The following WDR87 variants were observed in gnomAD, a reference collection of about 807,000 sequenced individuals.
WDR87 encodes the protein WD repeat-containing protein 87.
Under a neutral mutation model 83.3 loss-of-function variants are expected in WDR87, and 56 were observed. That is an observed-to-expected ratio of 0.67 (90% CI 0.54 to 0.84). The LOEUF is 0.84. WDR87 is among the 40% of genes least tolerant of loss of function. The probability of loss-of-function intolerance (pLI) is 0.00; values close to 1 mark genes in which losing one functional copy is unlikely to be tolerated. For missense variants in WDR87, 2,939 were observed against 3,431.9 expected (o/e 0.86, Z 3.59); for synonymous variants, 1,173 against 1,250.6 (o/e 0.94, Z 1.31).
Position 37,893,276 on chromosome 19 carries a change from G to A in WDR87, c.2427C>T (p.Tyr809=), listed in dbSNP as rs774491604. The change falls in exon 4 of 6, where the codon TAC becomes TAT. Residue 809 remains tyrosine (Y), a synonymous_variant. Coordinates refer to ENST00000447313, the MANE Select transcript of WDR87 (RefSeq NM_001291088.2). ...GLNPYQILRY[Y]FGHGREWLFA... ...AAAGCCATTCCCGCCCATGACCAAA[G>A]TAGTATCGCAATATCTGATAGGGGT... 1.9e-6 allele frequency: 3 copies of A among 1,551,802 alleles called. No individual in the cohort carries two copies. Among genetic ancestry groups the A allele is most frequent in the South Asian group, 2.4e-5 (2 of 84,062 alleles).
At position 37,886,758 on chromosome 19, in the gene WDR87, C is replaced by T. The variant is rs1237642654; in HGVS notation, c.6913G>A (p.Glu2305Lys). The T allele has an allele frequency of 5.2e-6, 7 of 1,337,524 alleles. No homozygotes were observed. The highest frequency in any genetic ancestry group is 7.1e-6 in the Non-Finnish European group (7 of 981,836). 82.9% of individuals were successfully genotyped at this position (1,337,524 alleles called of 1,614,324 possible). A position where few individuals can be genotyped will look rare whatever the true frequency, so the allele number is the denominator to read the frequency against. Residue 2305 changes from glutamate (E) to lysine (K), a missense_variant, in exon 6 of 6, where the codon GAG (glutamate) becomes AAG (lysine). Around this residue, in one of 3 missense-constraint regions of WDR87, gnomAD observed 2,160 missense variants for 2,533.1 expected, o/e 0.85. Coordinates refer to ENST00000447313, the MANE Select transcript of WDR87 (RefSeq NM_001291088.2). ...EREEEEEREE[E>K]EERKEEEEGE... ...TCCTCCTCCTCCTTCCTTTCCTCCT[C>T]CTCCTCCCTTTCCTCCTCCTCCTCC...
rs1490283457 is a variant in WDR87, at chr19:37,895,097, C to T, written c.606G>A (p.Val202=). Residue 202 remains valine, a synonymous_variant, in exon 4 of 6, where the codon GTG becomes GTA. Transcript: ENST00000447313. ...GGAGGGAGCCACTGGGACCATTCAG[C>T]ACGATGTCCTGGACAAGCTCATCAC... ...MPGDELVQDI[V]LNGPSGSLLA... The T allele has an allele frequency of 6.4e-7, 1 of 1,551,736 alleles. No individual in the cohort carries two copies. The highest frequency in any genetic ancestry group is 2.0e-5 in the Admixed American group (1 of 50,996).
chr19:37,903,492 A>G (rs2046304905), intron 1 of WDR87, among the ~76,000 whole-genome samples: 1 of 152,170 alleles, frequency 6.6e-6, no homozygotes, highest in Non-Finnish European at 1.5e-5. Flanking sequence ...TCCAGGATTA[A>G]TTAGGTTGTA....
intron 1 of WDR87, among the ~76,000 whole-genome samples, chr19:37,901,196 G>A (rs1470798401): frequency 6.6e-6 from 1 of 151,136 alleles, no homozygotes; most frequent in Non-Finnish European, 1.5e-5. Flanking sequence ...ACTTTGGGAG[G>A]CTGAGGTGGG....
chr19:37,900,487 G>T (rs1481791895), intron 1 of WDR87, among the ~76,000 whole-genome samples: 1 of 143,248 alleles, frequency 7.0e-6, no homozygotes, highest in Non-Finnish European at 1.5e-5. Flanking sequence ...CTTCAACATG[G>T]GAGACAGAGG....
At chr19:37,904,246 T>C (rs1213275011) in intron 1 of WDR87, among the ~76,000 whole-genome samples, 3 of 152,022 alleles carry the variant, frequency 2.0e-5, no homozygotes, top group Admixed American at 6.6e-5. Flanking sequence ...ATTGAAAATG[T>C]ACTAAGGAGC....
intron 2 of WDR87, 64 bp from the exon 3 acceptor site, chr19:37,896,372 C>A: frequency 6.6e-7 from 1 of 1,510,178 alleles, no homozygotes; most frequent in Non-Finnish European, 8.9e-7. Flanking sequence ...TATTCTCGCA[C>A]AAGTCACAGT....
chr19:37,885,001 C>G lies in WDR87; in HGVS notation c.8670G>C (p.Trp2890Cys). 7.1e-7 allele frequency: 1 copy of G among 1,405,088 alleles called. No individual in the cohort carries two copies. Among genetic ancestry groups the G allele is most frequent in the Non-Finnish European group, 9.3e-7 (1 of 1,075,792 alleles). 87.0% of individuals were successfully genotyped at this position (1,405,088 alleles called of 1,614,324 possible). A position where few individuals can be genotyped will look rare whatever the true frequency, so the allele number is the denominator to read the frequency against. The change falls in exon 6 of 6, where the codon TGG becomes TGC. Residue 2890 changes from tryptophan (W) to cysteine (C), a missense_variant. By Grantham distance (215) the Trp-to-Cys change is radical. Transcript: ENST00000447313. ...IARYGILELA[W>C]KSLPEADLHL... is the part of the protein sequence containing the mutation. Reference sequence around the variant, plus strand: ...GAAGATCAGCTTCAGGCAGGCTCTTCCAGGCAAGTTCTAAGATCCCATACC... The same window carrying G: ...GAAGATCAGCTTCAGGCAGGCTCTTGCAGGCAAGTTCTAAGATCCCATACC...
intron 5 of WDR87, among the ~76,000 whole-genome samples, chr19:37,890,874 A>T (rs1257610207): frequency 6.6e-6 from 1 of 152,194 alleles, no homozygotes; most frequent in African/African-American, 2.4e-5. Context: ...ATGTTGTTGC[A>T]TGTATCACTC....
chr19:37,886,957 C>T lies in WDR87; in HGVS notation c.6714G>A (p.Lys2238=). The T allele has an allele frequency of 1.9e-6, 3 of 1,551,996 alleles. No homozygotes were observed. Among genetic ancestry groups the T allele is most frequent in the Non-Finnish European group, 2.6e-6 (3 of 1,147,056 alleles). Residue 2238 remains lysine, a synonymous_variant, in exon 6 of 6, where the codon AAG becomes AAA. Coordinates refer to ENST00000447313, the MANE Select transcript of WDR87 (RefSeq NM_001291088.2). ...TGTCACCTCTCTTGGCCTCTTTCCT[C>T]TTTCTCCACCTTCGTTTAAGGAATG... ...VIPFLKRRWR[K]RKEAKRGDKP...
Position 37,895,435 on chromosome 19 carries a change from TG to T in WDR87, c.267del (p.Ser89ArgfsTer14). ...CTTTTCTCAACCATGTCCTCAGTTT[TG>T]CTCTTCATCCATGCTACAGCCTAGA... ...KEIQAVAWMK[S>X]KTEDMVEKRT... is the part of the protein sequence containing the mutation. On this transcript the variant is annotated frameshift_variant, in exon 4 of 6. Transcript: ENST00000447313. LOFTEE classifies it high-confidence loss of function. 1 of 1,551,518 alleles carries T rather than the reference TG, an allele frequency of 6.4e-7. No individual in the cohort carries two copies. The highest frequency in any genetic ancestry group is 8.7e-7 in the Non-Finnish European group (1 of 1,146,972).
In WDR87 at chr19:37,886,735, CTCCTCCTCCTTCCTT is replaced by C; in HGVS notation, c.6921_6935del (p.Arg2308_Glu2312del). ...TCTCCACTTGCTTCTCCTCCCCTTCCTCCTCCTCCTTCCTTTCCTCCTCCTCCTCCCTTTCCTCCT... is the reference window on the plus strand; with the variant it reads ...TCTCCACTTGCTTCTCCTCCCCTTCCTCCTCCTCCTCCTCCCTTTCCTCCT... On this transcript the variant is annotated inframe_deletion, in exon 6 of 6. Coordinates refer to ENST00000447313, the MANE Select transcript of WDR87 (RefSeq NM_001291088.2). The C allele has an allele frequency of 7.0e-7, 1 of 1,434,268 alleles. No individual in the cohort carries two copies. The highest frequency in any genetic ancestry group is 9.4e-7 in the Non-Finnish European group (1 of 1,059,326). 88.8% of individuals were successfully genotyped at this position (1,434,268 alleles called of 1,614,324 possible).
rs1052520558 is a variant in WDR87 at position 37,887,137 on chromosome 19, C to T, written c.6534G>A (p.Leu2178=). The change falls in exon 6 of 6, where the codon CTG becomes CTA. Residue 2178 remains leucine (L), a synonymous_variant. Coordinates refer to ENST00000447313, the MANE Select transcript of WDR87 (RefSeq NM_001291088.2). ...RSELTKDEKK[L]ARKQRKLANK... The stretch of plus-strand genomic sequence containing the variant: ...TGGCCAGTTTTCTCTGCTTCCGAGC[C>T]AGTTTCTTCTCATCTTTAGTCAGTT... 1.3e-6 allele frequency: 2 copies of T among 1,550,528 alleles called. No homozygotes were observed. The highest frequency in any genetic ancestry group is 2.7e-5 in the African/African-American group (2 of 72,928).
intron 1 of WDR87, among the ~76,000 whole-genome samples, chr19:37,900,560 C>CAAAAAAA (rs58946958): frequency 3.8e-5 from 3 of 78,070 alleles, no homozygotes; most frequent in Admixed American, 1.6e-4. Context: ...GACTCCGTCT[C>CAAAAAAA]AAAAAAAAAA....
rs778062858 is a variant in WDR87 at position 37,889,811 on chromosome 19, C to T, written c.3860G>A (p.Arg1287His). Residue 1287 changes from arginine to histidine, a missense_variant, in exon 6 of 6, where the codon CGT (arginine) becomes CAT (histidine). Physicochemically the swap from Arg to His is conservative, Grantham distance 29 (BLOSUM62 0). Around this residue, in one of 3 missense-constraint regions of WDR87, gnomAD observed 2,160 missense variants for 2,533.1 expected, o/e 0.85. Coordinates refer to ENST00000447313, the MANE Select transcript of WDR87 (RefSeq NM_001291088.2). ...DGSSWRDDLC[R>H]LMALRISGSQ... ...ACCAGATATCCTCAGGGCCATAAGA[C>T]GACATAGATCGTCCCTCCATGATGA... 1.2e-5 allele frequency: 19 copies of T among 1,551,584 alleles called. No individual in the cohort carries two copies. The highest frequency in any genetic ancestry group is 2.4e-5 in the East Asian group (1 of 40,922).
In WDR87 at chr19:37,886,613, C is replaced by T. The variant is rs1291463265; in HGVS notation, c.7058G>A (p.Ser2353Asn). 6.5e-7 allele frequency: 1 copy of T among 1,535,340 alleles called. No individual in the cohort carries two copies. Among genetic ancestry groups the T allele is most frequent in the South Asian group, 1.2e-5 (1 of 80,136 alleles). Residue 2353 changes from serine (S) to asparagine (N), a missense_variant, in exon 6 of 6, where the codon AGT becomes AAT. By Grantham distance (46) the Ser-to-Asn change is conservative. Coordinates refer to ENST00000447313, the MANE Select transcript of WDR87 (RefSeq NM_001291088.2). ...ACTCAAACTTTCTGTCTCTTCCTCA[C>T]TCATAATTTCTTCTTTCTCCTCAAA... ...EVFEEKEEIM[S>N]EEETESLSDE...
intron 3 of WDR87, among the ~76,000 whole-genome samples, chr19:37,895,744 G>A (rs575887876): frequency 1.4e-5 from 2 of 142,900 alleles, no homozygotes; most frequent in South Asian, 2.4e-4. Flanking sequence ...TCCAGCCTGC[G>A]TGACAGAGCG....
In WDR87 at chr19:37,889,680, G is replaced by A. The variant is rs1389344157; in HGVS notation, c.3991C>T (p.Pro1331Ser). 14 of 1,551,574 alleles carry A rather than the reference G, an allele frequency of 9.0e-6. No homozygotes were observed. Among genetic ancestry groups the A allele is most frequent in the African/African-American group, 1.4e-5 (1 of 72,994 alleles). Residue 1331 changes from proline to serine, a missense_variant, in exon 6 of 6, where the codon CCC (proline) becomes TCC (serine). Pro to Ser is a moderately conservative substitution (Grantham distance 74). Around this residue, in one of 3 missense-constraint regions of WDR87, gnomAD observed 2,160 missense variants for 2,533.1 expected, o/e 0.85. Coordinates refer to ENST00000447313, the MANE Select transcript of WDR87 (RefSeq NM_001291088.2). Reference protein sequence around the residue: ...PSWELFQEICPLLKKESKVLL... With the variant: ...PSWELFQEICSLLKKESKVLL... ...ACCTTACTTTCTTTCTTCAATAGGG[G>A]GCAGATCTCCTGAAAGAGTTCCCAG...
In WDR87 at chr19:37,886,162, G is replaced by T. The variant is rs1315513398; in HGVS notation, c.7509C>A (p.Thr2503=). Residue 2503 remains threonine (T), a synonymous_variant, in exon 6 of 6, where the codon ACC becomes ACA. Coordinates refer to ENST00000447313, the MANE Select transcript of WDR87 (RefSeq NM_001291088.2). The part of the protein sequence containing the change: ...VLESQAQDLK[T]PFMSHILRRT... ...TCCTTAATATGTGGGACATAAATGG[G>T]GTCTTTAAGTCCTGTGCTTGGGACT... 1 of 1,551,660 alleles carries T rather than the reference G, an allele frequency of 6.4e-7. No homozygotes were observed. Among genetic ancestry groups the T allele is most frequent in the Non-Finnish European group, 8.7e-7 (1 of 1,146,992 alleles).
Sources: gnomAD v4.1 joint callset for allele counts (sites outside exome capture counted in the v4.1 genomes callset) on GRCh38, gnomAD v4.1.1 for gene constraint, gnomAD v4.1.1 regional missense constraint, MANE v1.5 for transcripts, NCBI Gene and HGNC (gene_info 2026-07-23, HGNC 2026-07-21) for gene names.